The following LYPD6 variants were observed in gnomAD, a reference collection of about 807,000 sequenced individuals.
LYPD6 encodes LY6/PLAUR domain containing 6.
Under a neutral mutation model 22.7 loss-of-function variants are expected in LYPD6, and 15 were observed. That is an observed-to-expected ratio of 0.66 (90% CI 0.44 to 1.02). The LOEUF (loss-of-function observed/expected upper bound fraction) is 1.02. Ranked by LOEUF, LYPD6 falls within the 50% of genes least tolerant of loss-of-function variation. The probability of loss-of-function intolerance (pLI) is 0.00; values close to 1 mark genes in which losing one functional copy is unlikely to be tolerated. For missense variants in LYPD6, 189 were observed against 208.4 expected, an observed-to-expected ratio of 0.91 and a Z score of 0.57; for synonymous variants, 72 against 77.5, an observed-to-expected ratio of 0.93 and a Z score of 0.37.
intron 1 of LYPD6, among the ~76,000 whole-genome samples, chr2:149,357,612 A>G (rs1387002805): frequency 1.3e-5 from 2 of 152,182 alleles, no homozygotes; most frequent in Non-Finnish European, 2.9e-5. Flanking sequence ...TCACTACAGC[A>G]TGAACTTTAA....
intron 1 of LYPD6, among the ~76,000 whole-genome samples, chr2:149,332,364 T>C (rs918667325): frequency 6.6e-6 from 1 of 152,212 alleles, no homozygotes. Flanking sequence ...GAAGCTACAC[T>C]CTCAAGCTGT....
intron 1 of LYPD6, among the ~76,000 whole-genome samples, chr2:149,369,351 G>A (rs1212703810): frequency 6.6e-6 from 1 of 152,112 alleles, no homozygotes; most frequent in Non-Finnish European, 1.5e-5. Flanking sequence ...TTGCAGCAAG[G>A]CTGTTCCCTT....
downstream of LYPD6, among the ~76,000 whole-genome samples, chr2:149,474,540 T>C (rs1573839394): frequency 6.6e-6 from 1 of 152,126 alleles, no homozygotes; most frequent in African/African-American, 2.4e-5. Context: ...TTTTGAAATT[T>C]CCAGGGAAAT....
intron 1 of LYPD6, among the ~76,000 whole-genome samples, chr2:149,428,540 A>G (rs1288276202): frequency 1.3e-5 from 2 of 152,166 alleles, no homozygotes; most frequent in African/African-American, 4.8e-5. Context: ...GGGCTCCTGT[A>G]CCAGAGAAGA....
At chr2:149,377,777 C>G (rs1488861272) in intron 1 of LYPD6, among the ~76,000 whole-genome samples, 2 of 40,944 alleles carry the variant, frequency 4.9e-5, no homozygotes, top group African/African-American at 3.3e-4. Flanking sequence ...GAGACTTTGT[C>G]CCCACCCCCC....
intron 1 of LYPD6, among the ~76,000 whole-genome samples, chr2:149,390,109 T>A (rs920376363): frequency 6.6e-6 from 1 of 152,252 alleles, no homozygotes; most frequent in African/African-American, 2.4e-5. Flanking sequence ...AGATATTCTG[T>A]ACAGGTAGTT....
At chr2:149,410,895 A>G (rs1470925087) in intron 1 of LYPD6, among the ~76,000 whole-genome samples, 2 of 152,204 alleles carry the variant, frequency 1.3e-5, no homozygotes, top group Non-Finnish European at 2.9e-5. Context: ...TTCTATTTAG[A>G]TCATAGGAAA....
At chr2:149,390,794 T>C (rs1473865204) in intron 1 of LYPD6, among the ~76,000 whole-genome samples, 1 of 152,260 alleles carries the variant, frequency 6.6e-6, no homozygotes, top group African/African-American at 2.4e-5. Context: ...ATGTACTTTA[T>C]AGATGATGAA....
At chr2:149,340,276 G>A (rs2377383) in intron 1 of LYPD6, among the ~76,000 whole-genome samples, 42,379 of 151,968 alleles carry the variant, frequency 0.28, 6,542 homozygotes, top group East Asian at 0.61. Context: ...AGATGTACAT[G>A]TTACTTAAAT....
intron 1 of LYPD6, among the ~76,000 whole-genome samples, chr2:149,393,936 A>C (rs181900864): frequency 1.3e-5 from 2 of 152,294 alleles, no homozygotes; most frequent in African/African-American, 2.4e-5. Flanking sequence ...TTTGAATCCC[A>C]AGGTGCCAGA....
chr2:149,442,118 A>G (rs1269106730), intron 2 of LYPD6, among the ~76,000 whole-genome samples: 1 of 152,244 alleles, frequency 6.6e-6, no homozygotes, highest in Non-Finnish European at 1.5e-5. Context: ...GGACTGAGAA[A>G]AAAGATACAT....
At chr2:149,359,813 C>T (rs1681536267) in intron 1 of LYPD6, among the ~76,000 whole-genome samples, 1 of 152,134 alleles carries the variant, frequency 6.6e-6, no homozygotes, top group Non-Finnish European at 1.5e-5. Flanking sequence ...AGAAAGGGAT[C>T]CCAATCCAGA....
chr2:149,416,541 C>T (rs1030413960), intron 1 of LYPD6, among the ~76,000 whole-genome samples: 3 of 152,190 alleles, frequency 2.0e-5, no homozygotes, highest in African/African-American at 7.2e-5. Flanking sequence ...AGGGTGCCCT[C>T]GTGGCAGCTA....
At chr2:149,394,285 G>C (rs1361457780) in intron 1 of LYPD6, among the ~76,000 whole-genome samples, 1 of 152,110 alleles carries the variant, frequency 6.6e-6, no homozygotes, top group Non-Finnish European at 1.5e-5. Flanking sequence ...GGGTCCCTGA[G>C]GGGATTCTTT....
At chr2:149,377,078 T>C (rs1681937878) in intron 1 of LYPD6, among the ~76,000 whole-genome samples, 1 of 152,210 alleles carries the variant, frequency 6.6e-6, no homozygotes, top group Admixed American at 6.5e-5. Flanking sequence ...TTAACCAGGG[T>C]CTGGACTATT....
In LYPD6 at chr2:149,473,671, AT is replaced by A. The variant is rs1681395330; in HGVS notation, c.*2822del. On this transcript the variant is annotated 3_prime_UTR_variant, in exon 5 of 5. Coordinates refer to ENST00000334166, the MANE Select transcript of LYPD6 (RefSeq NM_194317.5). ...AAATGCACATGTCAATCAATGATTA[AT>A]GCACCCAGGTTATGTACAAGGCACT... 6.6e-6 allele frequency: 1 copy of A among 152,210 alleles called. No homozygotes were observed. The highest frequency in any genetic ancestry group is 1.5e-5 in the Non-Finnish European group (1 of 68,044). The allele number at this position is 152,210 out of a possible 1,614,324, so 9.4% of individuals were successfully genotyped here.
intron 3 of LYPD6, among the ~76,000 whole-genome samples, chr2:149,460,093 T>C (rs1681053991): frequency 6.6e-6 from 1 of 151,996 alleles, no homozygotes; most frequent in Non-Finnish European, 1.5e-5. Flanking sequence ...TAAATCACAA[T>C]GGAATTCTAA....
At chr2:149,350,567 A>C (rs999534222) in intron 1 of LYPD6, among the ~76,000 whole-genome samples, 1 of 152,132 alleles carries the variant, frequency 6.6e-6, no homozygotes, top group African/African-American at 2.4e-5. Context: ...TGGACTCTCT[A>C]GTGCTGTCCA....
At chr2:149,447,808 T>A (rs533642729) in intron 2 of LYPD6, among the ~76,000 whole-genome samples, 4 of 152,220 alleles carry the variant, frequency 2.6e-5, no homozygotes, top group African/African-American at 9.6e-5. Context: ...AAATTTTTAT[T>A]GAGATAATTT....
Sources: gnomAD v4.1 joint callset for allele counts (sites outside exome capture counted in the v4.1 genomes callset) on GRCh38, gnomAD v4.1.1 for gene constraint, MANE v1.5 for transcripts, NCBI Gene and HGNC (gene_info 2026-07-23, HGNC 2026-07-21) for gene names.